PTPRD: variants seen among roughly 807,000 people sequenced by gnomAD.
PTPRD encodes the protein protein tyrosine phosphatase receptor type D.
PTPRD carries 34 observed loss-of-function variants against 214.5 expected under a neutral mutation model. That is an observed-to-expected ratio of 0.16 (90% confidence interval 0.12 to 0.21). PTPRD has a LOEUF of 0.21. PTPRD is among the 10% of genes least tolerant of loss of function. The pLI, the probability that PTPRD is intolerant of heterozygous loss-of-function variation, is 1.00. For missense variants in PTPRD, 2,545 were observed against 2,398.7 expected, an observed-to-expected ratio of 1.06 and a Z score of -1.27; for synonymous variants, 1,128 against 845.7, an observed-to-expected ratio of 1.33 and a Z score of -5.79.
rs1415876865 is a variant in PTPRD at position 8,948,415 on chromosome 9, ATATATATATT to A, written c.-104+70272_-104+70281del. On this transcript the variant is annotated intron_variant, in intron 11 of 45. Transcript: ENST00000381196. ...TGTCCATTGGGTTTAAAATATATAT[ATATATATATT>A]TATATATATATTTACATATATATAT... Among the ~76,000 whole-genome samples the A allele has an allele frequency of 2.1e-3, 129 of 62,762 alleles. 10 individuals are homozygous for A. Among genetic ancestry groups the A allele is most frequent in the African/African-American group, 5.0e-3 (83 of 16,672 alleles). The allele number at this position is 62,762 out of a possible 152,430, so 41.2% of individuals were successfully genotyped here.
intron 7 of PTPRD, among the ~76,000 whole-genome samples, chr9:9,687,712 A>G (rs558522427): frequency 1.3e-5 from 2 of 151,814 alleles, no homozygotes; most frequent in African/African-American, 4.8e-5. Flanking sequence ...TCATGAAATC[A>G]AGATTCTATT....
At chr9:9,065,684 T>C (rs1289311689) in intron 10 of PTPRD, among the ~76,000 whole-genome samples, 2 of 152,136 alleles carry the variant, frequency 1.3e-5, no homozygotes, top group Non-Finnish European at 2.9e-5. Context: ...AGGAGTGAGA[T>C]GATGATGGCT....
chr9:9,958,688 T>C (rs1317212310), intron 4 of PTPRD, among the ~76,000 whole-genome samples: 3 of 152,192 alleles, frequency 2.0e-5, no homozygotes, highest in African/African-American at 7.2e-5. Flanking sequence ...AAAGGACTTT[T>C]AAAACTCAGC....
At chr9:9,667,871 G>C (rs1385672486) in intron 7 of PTPRD, among the ~76,000 whole-genome samples, 2 of 152,126 alleles carry the variant, frequency 1.3e-5, no homozygotes, top group African/African-American at 4.8e-5. Flanking sequence ...TGCCACAAAT[G>C]GTCTGGGGTG....
chr9:8,362,691 G>C (rs777276542), intron 39 of PTPRD, among the ~76,000 whole-genome samples: 1 of 152,160 alleles, frequency 6.6e-6, no homozygotes, highest in Non-Finnish European at 1.5e-5. Flanking sequence ...ATCATCATCA[G>C]AGTAAACAAG....
intron 7 of PTPRD, among the ~76,000 whole-genome samples, chr9:9,676,082 T>C (rs974252260): frequency 1.3e-5 from 2 of 152,116 alleles, no homozygotes; most frequent in African/African-American, 4.8e-5. Flanking sequence ...TCAAAATATA[T>C]TCTAAAAGAA....
chr9:10,025,334 G>A (rs999686920), intron 4 of PTPRD, among the ~76,000 whole-genome samples: 1 of 152,146 alleles, frequency 6.6e-6, no homozygotes, highest in African/African-American at 2.4e-5. Flanking sequence ...TAACTGGTGC[G>A]AGATGGTATC....
intron 39 of PTPRD, among the ~76,000 whole-genome samples, chr9:8,343,292 CT>C (rs1854304685): frequency 1.3e-5 from 2 of 151,984 alleles, no homozygotes; most frequent in Non-Finnish European, 2.9e-5. Flanking sequence ...AAATAGGTTA[CT>C]TTTTTATGTC....
chr9:8,933,900 T>C (rs2098971322), intron 11 of PTPRD, among the ~76,000 whole-genome samples: 1 of 152,136 alleles, frequency 6.6e-6, no homozygotes. Flanking sequence ...TAGTATTCCT[T>C]CTGGCAAGTT....
chr9:8,957,981 T>C (rs956111633), intron 11 of PTPRD, among the ~76,000 whole-genome samples: 5 of 149,182 alleles, frequency 3.4e-5, no homozygotes, highest in African/African-American at 1.2e-4. Flanking sequence ...CACAAAGAAG[T>C]GATGAAAAGT....
intron 11 of PTPRD, among the ~76,000 whole-genome samples, chr9:8,950,620 T>C (rs2099096347): frequency 6.6e-6 from 1 of 152,138 alleles, no homozygotes; most frequent in African/African-American, 2.4e-5. Context: ...TAGGACTCTG[T>C]ATATAATGGA....
At chr9:10,526,057 G>GT (rs1440913377) in intron 2 of PTPRD, among the ~76,000 whole-genome samples, 1 of 152,002 alleles carries the variant, frequency 6.6e-6, no homozygotes. Flanking sequence ...GACCTAGTGG[G>GT]TGTTGTATTA....
rs367757843 is a variant in PTPRD at position 9,495,926 on chromosome 9, T to C, written c.-237+78806A>G. Among the ~76,000 whole-genome samples the C allele has an allele frequency of 3.3e-5, 5 of 152,270 alleles. 1 individual carries two copies. Among genetic ancestry groups the C allele is most frequent in the African/African-American group, 1.2e-4 (5 of 41,572 alleles). On this transcript the variant is annotated intron_variant, in intron 8 of 45. Transcript: ENST00000381196. Reference sequence around the variant, plus strand: ...AACACTGTAACACCCCTTGTGGGGCTTTGGGGTAGCAGGCACCCCAACTTG... The same window carrying C: ...AACACTGTAACACCCCTTGTGGGGCCTTGGGGTAGCAGGCACCCCAACTTG...
chr9:10,491,615 T>TA (rs1228256801), intron 2 of PTPRD, among the ~76,000 whole-genome samples: 4 of 151,286 alleles, frequency 2.6e-5, no homozygotes, highest in Admixed American at 6.6e-5. Flanking sequence ...TACAACTAGA[T>TA]AAAAAAAAAT....
At chr9:9,099,335 C>T (rs892440102) in intron 10 of PTPRD, among the ~76,000 whole-genome samples, 4 of 152,104 alleles carry the variant, frequency 2.6e-5, no homozygotes, top group African/African-American at 9.7e-5. Flanking sequence ...GAGAATGTGT[C>T]TCTCACATGT....
chr9:9,096,027 C>T (rs1304069298), intron 10 of PTPRD, among the ~76,000 whole-genome samples: 1 of 152,128 alleles, frequency 6.6e-6, no homozygotes, highest in African/African-American at 2.4e-5. Flanking sequence ...GTTATTCTAC[C>T]TATACATGGA....
At chr9:8,671,162 A>T (rs1218082461) in intron 12 of PTPRD, among the ~76,000 whole-genome samples, 1 of 152,186 alleles carries the variant, frequency 6.6e-6, no homozygotes, top group African/African-American at 2.4e-5. Flanking sequence ...ATAGAAAATA[A>T]ATGTATTCTA....
intron 4 of PTPRD, among the ~76,000 whole-genome samples, chr9:9,977,338 CT>C: frequency 6.6e-6 from 1 of 152,246 alleles, no homozygotes. Flanking sequence ...CCTCAAGGCC[CT>C]ATTGGCACCC....
intron 4 of PTPRD, among the ~76,000 whole-genome samples, chr9:9,945,483 G>C (rs576398305): frequency 3.3e-5 from 5 of 152,112 alleles, no homozygotes. Flanking sequence ...AAATATGCAG[G>C]AAGTCAGAGA....
Sources: allele counts gnomAD v4.1 joint callset (sites outside exome capture counted in the v4.1 genomes callset), GRCh38; gene constraint gnomAD v4.1.1; transcripts MANE v1.5; gene names NCBI Gene and HGNC (gene_info 2026-07-23, HGNC 2026-07-21).